IGF2BP1: variants seen among roughly 807,000 people sequenced by gnomAD.
The protein encoded by IGF2BP1 is insulin like growth factor 2 mRNA binding protein 1.
IGF2BP1 carries 11 observed loss-of-function variants against 74.9 expected under a neutral mutation model. The observed-to-expected ratio is 0.15, with a 90% CI of 0.09 to 0.24. The LOEUF (loss-of-function observed/expected upper bound fraction) is 0.24, where lower values mean the gene tolerates loss of function less well. IGF2BP1 is among the 10% of genes least tolerant of loss of function. The probability of loss-of-function intolerance (pLI) is 1.00; values close to 1 mark genes in which losing one functional copy is unlikely to be tolerated. For synonymous variants in IGF2BP1, 287 were observed against 281.8 expected (o/e 1.02, Z -0.18); for missense variants, 440 against 757.4 (o/e 0.58, Z 4.92).
chr17:49,000,857 C>A (rs1008103539), intron 2 of IGF2BP1, among the ~76,000 whole-genome samples: 1 of 151,742 alleles, frequency 6.6e-6, no homozygotes, highest in African/African-American at 2.4e-5. Flanking sequence ...TAAGTCATTT[C>A]TAGGCCCTTT....
intron 5 of IGF2BP1, chr17:49,036,611 A>G (rs2041991975): frequency 1.3e-5 from 2 of 152,224 alleles, no homozygotes; most frequent in African/African-American, 4.8e-5. Context: ...TCAACCTGGC[A>G]GATTAATTTA....
Position 49,049,342 on chromosome 17 carries a change from C to A in IGF2BP1, c.1642-10C>A, listed in dbSNP as rs2042141335. The A allele has an allele frequency of 4.3e-6, 7 of 1,613,712 alleles. No homozygotes were observed. The East Asian group carries it at 1.6e-4, about 36-fold the overall frequency. On this transcript the variant is annotated splice_polypyrimidine_tract_variant and intron_variant, in intron 14 of 14. Coordinates refer to ENST00000290341, the MANE Select transcript of IGF2BP1 (RefSeq NM_006546.4). Reference sequence around the variant, plus strand: ...TCTCACACCCACTCTCTTGCCTGTTCTTGCTGCAGATGGCTCAACGGAAGA... The same window carrying A: ...TCTCACACCCACTCTCTTGCCTGTTATTGCTGCAGATGGCTCAACGGAAGA...
rs138293158 is a variant in IGF2BP1, at chr17:49,025,218, A to C, written c.237-400A>C. On this transcript the variant is annotated intron_variant, in intron 2 of 14. Coordinates refer to ENST00000290341, the MANE Select transcript of IGF2BP1 (RefSeq NM_006546.4). The stretch of plus-strand genomic sequence containing the variant: ...CAAAAACAAATAAAACATAAAAAAT[A>C]ATGTCTTATTTAGCTTTGTATTCCT... 6.6e-5 allele frequency among the ~76,000 whole-genome samples: 10 copies of C among 152,132 alleles called. No homozygotes were observed. The East Asian group carries it at 1.9e-3, about 29-fold the overall frequency.
intron 2 of IGF2BP1, among the ~76,000 whole-genome samples, chr17:49,017,273 C>T (rs1023789587): frequency 6.6e-6 from 1 of 152,066 alleles, no homozygotes; most frequent in Non-Finnish European, 1.5e-5. Flanking sequence ...TCCTCTTATC[C>T]CAAACCAAAC....
At chr17:48,997,275 C>G (rs1415037722), upstream of IGF2BP1, 1 of 149,914 alleles carries the variant, frequency 6.7e-6, no homozygotes, top group Non-Finnish European at 1.5e-5. The surrounding 1 kb of genome is among the most constrained non-coding windows in gnomAD (Gnocchi z 4.8). Context: ...GGGAGATTAT[C>G]GGGTTTGGCC....
intron 4 of IGF2BP1, among the ~76,000 whole-genome samples, chr17:49,029,264 A>G (rs889306425): frequency 6.6e-6 from 1 of 152,184 alleles, no homozygotes; most frequent in African/African-American, 2.4e-5. Context: ...TTGTTCTTGC[A>G]GAAGCTTCCT....
intron 2 of IGF2BP1, among the ~76,000 whole-genome samples, chr17:49,008,133 T>C (rs965503021): frequency 1.3e-5 from 2 of 151,500 alleles, no homozygotes; most frequent in African/African-American, 2.4e-5. Context: ...GATTGTGCCA[T>C]TGCAGTCCAG....
chr17:49,047,290 A>C (rs12450498), intron 14 of IGF2BP1, among the ~76,000 whole-genome samples: 1 of 152,202 alleles, frequency 6.6e-6, no homozygotes, highest in East Asian at 1.9e-4. Context: ...TAACCCTTTG[A>C]GAAGTATTAA....
intron 12 of IGF2BP1, 129 bp downstream of exon 12, chr17:49,045,194 C>A: frequency 1.4e-6 from 1 of 715,260 alleles, no homozygotes. Context: ...TTAAGCCTTC[C>A]ATGCAGGATA....
intron 2 of IGF2BP1, among the ~76,000 whole-genome samples, chr17:49,015,376 T>C (rs2041685687): frequency 6.6e-6 from 1 of 151,864 alleles, no homozygotes. Flanking sequence ...CCAGAGATGG[T>C]CTTCCTGCCC....
intron 5 of IGF2BP1, chr17:49,036,260 G>A (rs2041986120): frequency 6.6e-6 from 1 of 152,234 alleles, no homozygotes; most frequent in African/African-American, 2.4e-5. Context: ...ATTGGGTTGG[G>A]GAGCGTTGCG....
rs184306990 is a variant in IGF2BP1, at chr17:49,050,010, G to A, written c.*566G>A. The A allele has an allele frequency of 6.5e-6, 1 of 153,140 alleles. No homozygotes were observed. The highest frequency in any genetic ancestry group is 2.4e-5 in the African/African-American group (1 of 41,568). 9.5% of individuals were successfully genotyped at this position (153,140 alleles called of 1,614,324 possible). ...AGTATTGACTCAAGGGAAAAGAACTGTCAGTATCTGTAGATTAATTCCAAT... is the reference window on the plus strand; with the variant it reads ...AGTATTGACTCAAGGGAAAAGAACTATCAGTATCTGTAGATTAATTCCAAT... On this transcript the variant is annotated 3_prime_UTR_variant, in exon 15 of 15. Transcript: ENST00000290341.
At chr17:49,038,874 A>ATCTTTTTTTTTTTTTTTTTTTTTTTTTTT (rs1491495832) in intron 6 of IGF2BP1, among the ~76,000 whole-genome samples, 3 of 75,274 alleles carry the variant, frequency 4.0e-5, no homozygotes, top group African/African-American at 1.1e-4. Context: ...TCTTTCTTTA[A>ATCTTTTTTTTTTTTTTTTTTTTTTTTTTT]TATTTTTTTT....
intron 5 of IGF2BP1, among the ~76,000 whole-genome samples, chr17:49,032,326 C>T (rs1030058168): frequency 3.3e-5 from 5 of 151,960 alleles, no homozygotes; most frequent in South Asian, 2.1e-4. Flanking sequence ...AGTCCTTTGC[C>T]GTGTTCATGG....
intron 1 of IGF2BP1, 85 bp downstream of exon 1, chr17:48,998,005 A>G (rs1338755756): frequency 6.8e-7 from 1 of 1,464,462 alleles, no homozygotes; most frequent in Non-Finnish European, 9.3e-7. Context: ...TCTCCCGCCA[A>G]CTCCTCTCTT....
rs574428254 is a variant in IGF2BP1, at chr17:49,056,133, T to C, written c.*6689T>C. 2.9e-4 allele frequency among the ~76,000 whole-genome samples: 44 copies of C among 152,274 alleles called. 1 individual carries two copies. In the South Asian group the frequency reaches 8.9e-3, roughly 31 times the overall value. On this transcript the variant is annotated 3_prime_UTR_variant, in exon 15 of 15. Transcript: ENST00000290341. Reference sequence around the variant, plus strand: ...CAATTTCAAAATAAAAGGAAACTTATATTGAAAGACAAGTATGTCTGTGTC... The same window carrying C: ...CAATTTCAAAATAAAAGGAAACTTACATTGAAAGACAAGTATGTCTGTGTC...
chr17:49,022,224 G>T (rs1053878270), intron 2 of IGF2BP1, among the ~76,000 whole-genome samples: 1 of 152,114 alleles, frequency 6.6e-6, no homozygotes, highest in African/African-American at 2.4e-5. Context: ...CCTACACCAG[G>T]CCTTCTCTAA....
rs2042033173 is a variant in IGF2BP1 at position 49,040,034 on chromosome 17, C to T, written c.761C>T (p.Ser254Phe). ...ISVHSTPEGC[S>F]SACKMILEIM... ...GTGCACTCCACCCCTGAGGGCTGCT[C>T]CTCCGCTTGTAAGATGATCTTGGAG... The change falls in exon 7 of 15, where the codon TCC becomes TTC. Residue 254 changes from serine to phenylalanine, a missense_variant. Physicochemically the swap from Ser to Phe is radical, Grantham distance 155 (BLOSUM62 -2). This residue lies in a region of IGF2BP1 where 184 missense variants were observed against 273.4 expected (regional missense o/e 0.67). Transcript: ENST00000290341. The T allele has an allele frequency of 2.5e-6, 4 of 1,613,968 alleles. No homozygotes were observed. The highest frequency in any genetic ancestry group is 1.7e-5 in the Admixed American group (1 of 60,020).
Position 48,999,957 on chromosome 17 carries a change from T to TGTGTGTTC in IGF2BP1, c.236+795_236+802dup, listed in dbSNP as rs1424500138. Among the ~76,000 whole-genome samples the TGTGTGTTC allele has an allele frequency of 4.6e-5, 7 of 151,264 alleles. No individual in the cohort carries two copies. In the Middle Eastern group the frequency reaches 0.014, roughly 294 times the overall value. ...GTGTGTGTGTGTGTGTGTGTGTGTG[T>TGTGTGTTC]GTGTGTTCGTGTGTGTTCCAATACC... is the stretch of plus-strand genomic sequence containing the variant. On this transcript the variant is annotated intron_variant, in intron 2 of 14. Coordinates refer to ENST00000290341, the MANE Select transcript of IGF2BP1 (RefSeq NM_006546.4).
Sources: allele counts gnomAD v4.1 joint callset (sites outside exome capture counted in the v4.1 genomes callset), GRCh38; gene constraint gnomAD v4.1.1; regional missense constraint gnomAD v4.1.1; non-coding constraint Gnocchi (gnomAD v3.1); transcripts MANE v1.5; gene names NCBI Gene and HGNC (gene_info 2026-07-23, HGNC 2026-07-21).